Variants in LTB observed in about 807,000 individuals in gnomAD.
LTB encodes lymphotoxin-beta.
Under a neutral mutation model 14.7 loss-of-function variants are expected in LTB, and 17 were observed. That is an observed-to-expected ratio of 1.16 (90% CI 0.79 to 1.73). The LOEUF (loss-of-function observed/expected upper bound fraction) is 1.73, where lower values mean the gene tolerates loss of function less well. Ranked by LOEUF, LTB falls within the 40% of genes most tolerant of loss-of-function variation. The pLI, the probability that LTB is intolerant of heterozygous loss-of-function variation, is 0.00. For missense variants in LTB, 288 were observed against 324.3 expected, an observed-to-expected ratio of 0.89 and a Z score of 0.86; for synonymous variants, 163 against 157.3, an observed-to-expected ratio of 1.04 and a Z score of -0.27.
At position 31,581,162 on chromosome 6, in the gene LTB, G is replaced by A; in HGVS notation, c.282C>T (p.Gly94=). The A allele has an allele frequency of 2.0e-6, 3 of 1,527,156 alleles. No individual in the cohort carries two copies. Among genetic ancestry groups the A allele is most frequent in the Non-Finnish European group, 1.8e-6 (2 of 1,140,278 alleles). The allele number at this position is 1,527,156 out of a possible 1,614,324, so 94.6% of individuals were successfully genotyped here. ...SPGLPAAHLI[G]APLKGQGLGW... ...CTAGCCCCTGCCCCTTCAGCGGAGC[G>A]CCTGCGGAGACACGGGCCGACGCGC... The change falls in exon 4 of 4, where the codon GGC becomes GGT. Residue 94 remains glycine (G), a splice_region_variant and synonymous_variant. Transcript: ENST00000429299.
chr6:31,581,444 TC>T, intron 3 of LTB, 114 bp downstream of exon 3: 1 of 1,010,554 alleles, frequency 9.9e-7, no homozygotes, highest in African/African-American at 1.6e-5. Context: ...CGACAAAAGG[TC>T]GTGAAGCGGG....
chr6:31,581,656 T>G (rs1360253074), intron 2 of LTB, 26 bp from the exon 3 acceptor site: 2 of 1,611,192 alleles, frequency 1.2e-6, no homozygotes, highest in Admixed American at 1.7e-5. Context: ...AGTCCACGAT[T>G]GGGGGCAGGG....
chr6:31,581,283 T>A, intron 3 of LTB, 120 bp from the exon 4 acceptor site: 1 of 937,742 alleles, frequency 1.1e-6, no homozygotes, highest in Non-Finnish European at 1.6e-6. Flanking sequence ...GGAGGGATGG[T>A]GCTGTTTCTG....
At chr6:31,581,291 C>G (rs1347411967) in intron 3 of LTB, 128 bp from the exon 4 acceptor site, 1 of 886,662 alleles carries the variant, frequency 1.1e-6, no homozygotes, top group Middle Eastern at 3.4e-4. Flanking sequence ...GGTGCTGTTT[C>G]TGGGATGAGT....
intron 3 of LTB, among the ~76,000 whole-genome samples, 180 bp downstream of exon 3, chr6:31,581,379 C>T (rs533313224): frequency 1.3e-5 from 2 of 152,276 alleles, no homozygotes; most frequent in African/African-American, 2.4e-5. Context: ...CTTTTGCTTG[C>T]ACCGGAGGGA....
Position 31,582,398 on chromosome 6 carries a change from T to G in LTB, c.20A>C (p.Glu7Ala), listed in dbSNP as rs2150396372. MGALGL[E>A]GRGGRLQGRG... ...CCCCTGGAGCCTCCCACCCCTGCCC[T>G]CCAGCCCCAGTGCCCCCATTGAGAC... The change falls in exon 1 of 4, where the codon GAG (glutamate) becomes GCG (alanine). Residue 7 changes from glutamate (E) to alanine (A), a missense_variant. Transcript: ENST00000429299. The G allele has an allele frequency of 6.3e-7, 1 of 1,578,700 alleles. No individual in the cohort carries two copies. The highest frequency in any genetic ancestry group is 2.3e-5 in the East Asian group (1 of 42,800).
At chr6:31,581,393 A>G (rs1562485781) in intron 3 of LTB, among the ~76,000 whole-genome samples, 166 bp downstream of exon 3, 1 of 152,254 alleles carries the variant, frequency 6.6e-6, no homozygotes, top group Non-Finnish European at 1.5e-5. Context: ...GGAGGGAAGA[A>G]GAAACTACAC....
Position 31,582,320 on chromosome 6 carries a change from A to C in LTB, c.98T>G (p.Leu33Trp). 1 of 1,613,050 alleles carries C rather than the reference A, an allele frequency of 6.2e-7. No individual in the cohort carries two copies. Residue 33 changes from leucine (L) to tryptophan (W), a missense_variant, in exon 1 of 4, where the codon TTG becomes TGG. Physicochemically the swap from Leu to Trp is moderately conservative, Grantham distance 61. This residue lies in a region of LTB where 284 missense variants were observed against 299.2 expected (regional missense o/e 0.95). Transcript: ENST00000429299. The part of the protein sequence containing the change: ...VAGATSLVTL[L>W]LAVPITVLAV... ...CAGGACAGTGATAGGCACCGCCAGCAACAAGGTCACCAGAGAAGTGGCTCC... is the reference window on the plus strand; with the variant it reads ...CAGGACAGTGATAGGCACCGCCAGCCACAAGGTCACCAGAGAAGTGGCTCC...
chr6:31,581,640 G>T lies in LTB; in HGVS notation c.209-10C>A, dbSNP rs751622453. 10 of 1,612,758 alleles carry T rather than the reference G, an allele frequency of 6.2e-6. No individual in the cohort carries two copies. In the East Asian group the frequency reaches 2.0e-4, roughly 32 times the overall value. On this transcript the variant is annotated splice_polypyrimidine_tract_variant and intron_variant, in intron 2 of 3. Transcript: ENST00000429299. The stretch of plus-strand genomic sequence containing the variant: ...GGCAGCTTCTGAAACCCTGGAAGGG[G>T]CAAAGAGTCCACGATTGGGGGCAGG...
intron 1 of LTB, 128 bp from the exon 2 acceptor site, chr6:31,581,987 T>C (rs947037554): frequency 3.1e-6 from 3 of 974,610 alleles, no homozygotes; most frequent in East Asian, 2.4e-5. Flanking sequence ...ACACACCTCC[T>C]TAGAAGGGAG....
At chr6:31,581,993 G>T in intron 1 of LTB, 134 bp from the exon 2 acceptor site, 1 of 939,368 alleles carries the variant, frequency 1.1e-6, no homozygotes, top group Admixed American at 2.6e-5. Context: ...CTCCTTAGAA[G>T]GGAGAACAAG....
chr6:31,582,059 A>G (rs1771580253), intron 1 of LTB, 197 bp downstream of exon 1: 1 of 768,920 alleles, frequency 1.3e-6, no homozygotes, highest in Non-Finnish European at 2.1e-6. Context: ...AGGAGAGGAG[A>G]CACAAGGGGC....
At chr6:31,581,673 CCCA>C (rs1771527760) in intron 2 of LTB, 43 bp from the exon 3 acceptor site, 5 of 1,593,886 alleles carry the variant, frequency 3.1e-6, no homozygotes, top group African/African-American at 1.3e-5. Flanking sequence ...AGGGCAGCCA[CCCA>C]TGCAGGCTAC....
Position 31,580,946 on chromosome 6 carries a change from C to A in LTB, c.498G>T (p.Ala166=), listed in dbSNP as rs371205199. 4.6e-5 allele frequency: 73 copies of A among 1,573,358 alleles called. No homozygotes were observed. The African/African-American group carries it at 8.7e-4, about 19-fold the overall frequency. Residue 166 remains alanine, a synonymous_variant, in exon 4 of 4, where the codon GCG becomes GCT. Transcript: ENST00000429299. The surrounding 1 kb of genome is among the most constrained non-coding windows in gnomAD (Gnocchi z 6.6). ...GAGTGCCCGGCCCGTAGGCGCCCCCCGCCCGGTACAGAGAGCTGCGCAGCG... is the reference window on the plus strand; with the variant it reads ...GAGTGCCCGGCCCGTAGGCGCCCCCAGCCCGGTACAGAGAGCTGCGCAGCG... ...SVTLRSSLYR[A]GGAYGPGTPE... is the part of the protein sequence containing the mutation.
At chr6:31,581,978 C>G (rs41273244) in intron 1 of LTB, 119 bp from the exon 2 acceptor site, 3 of 1,025,358 alleles carry the variant, frequency 2.9e-6, no homozygotes, top group African/African-American at 1.6e-5. Context: ...ATCCCCAACA[C>G]ACACCTCCTT....
intron 1 of LTB, 66 bp from the exon 2 acceptor site, chr6:31,581,925 A>G (rs565926974): frequency 1.3e-6 from 2 of 1,481,508 alleles, no homozygotes; most frequent in East Asian, 2.3e-5. Context: ...CCCCTCTGAA[A>G]GTGGACCCAA....
rs966763031 is a variant in LTB, at chr6:31,580,987, G to A, written c.457C>T (p.Gln153Ter). Reference sequence around the variant, plus strand: ...CTGCGCAGCGTGACCGAGCGGCCCTGGGGGTCCCCGCCGCCAGGGGGCGCC... The same window carrying A: ...CTGCGCAGCGTGACCGAGCGGCCCTAGGGGTCCCCGCCGCCAGGGGGCGCC... ...GRAPPGGGDP[Q>*]GRSVTLRSSL... Residue 153 changes from glutamine to a stop codon, truncating the protein, a stop_gained, in exon 4 of 4, where the codon CAG becomes TAG. Transcript: ENST00000429299. LOFTEE classifies it high-confidence loss of function. The surrounding 1 kb of genome is among the most constrained non-coding windows in gnomAD (Gnocchi z 6.6). The A allele has an allele frequency of 6.4e-7, 1 of 1,564,126 alleles. No homozygotes were observed. The highest frequency in any genetic ancestry group is 1.9e-5 in the Admixed American group (1 of 52,110).
In LTB at chr6:31,580,751, G is replaced by A. The variant is rs4248165; in HGVS notation, c.693C>T (p.Phe231=). 4.0e-5 allele frequency: 64 copies of A among 1,612,744 alleles called. No homozygotes were observed. The highest frequency in any genetic ancestry group is 5.0e-5 in the Admixed American group (3 of 59,986). ...CCCCAAAGAAGGTCTTCCCTCTCGC[G>A]AAGTCCACCATATCGGGGTGACTGA... The part of the protein sequence containing the change: ...VNISHPDMVD[F]ARGKTFFGAV... The change falls in exon 4 of 4, where the codon TTC becomes TTT. Residue 231 remains phenylalanine, a synonymous_variant. Transcript: ENST00000429299. This position sits in a 1 kb window ranked among gnomAD's most constrained non-coding sequence, Gnocchi z 6.6.
At chr6:31,582,045 G>C in intron 1 of LTB, 186 bp from the exon 2 acceptor site, 1 of 760,616 alleles carries the variant, frequency 1.3e-6, no homozygotes. Context: ...TGTACCTCGG[G>C]AAGAGGAGAG....
Sources: allele counts gnomAD v4.1 joint callset (sites outside exome capture counted in the v4.1 genomes callset), GRCh38; gene constraint gnomAD v4.1.1; regional missense constraint gnomAD v4.1.1; non-coding constraint Gnocchi (gnomAD v3.1); transcripts MANE v1.5; gene names NCBI Gene and HGNC (gene_info 2026-07-23, HGNC 2026-07-21).